AKAP19: variants seen among roughly 807,000 people sequenced by gnomAD.
The protein encoded by AKAP19 is small A-kinase anchoring protein.
chr2:189,901,963 T>G, the AKAP19 span, among the ~76,000 whole-genome samples: 1 of 152,122 alleles, frequency 6.6e-6, no homozygotes, highest in Non-Finnish European at 1.5e-5. Flanking sequence ...ATAAAACACA[T>G]ATATCAACAT....
At chr2:190,194,029 T>C in the AKAP19 span, among the ~76,000 whole-genome samples, 15 of 152,198 alleles carry the variant, frequency 9.9e-5, no homozygotes, top group Non-Finnish European at 1.6e-4. Flanking sequence ...GTGATTTTCT[T>C]CTTTGTCCCA....
the AKAP19 span, among the ~76,000 whole-genome samples, chr2:189,890,952 C>T: frequency 6.6e-6 from 1 of 152,162 alleles, no homozygotes; most frequent in Non-Finnish European, 1.5e-5. Flanking sequence ...TTGATCCTGT[C>T]ATTATCATGC....
the AKAP19 span, among the ~76,000 whole-genome samples, chr2:190,175,668 A>C: frequency 6.6e-6 from 1 of 152,236 alleles, no homozygotes; most frequent in Non-Finnish European, 1.5e-5. Context: ...TCTTCCACAT[A>C]AGGAAGATAA....
At chr2:189,926,442 A>C in the AKAP19 span, among the ~76,000 whole-genome samples, 1 of 148,990 alleles carries the variant, frequency 6.7e-6, no homozygotes, top group African/African-American at 2.5e-5. Context: ...GCCCACTACC[A>C]TGCCCCGCTA....
At chr2:189,890,095 G>A in the AKAP19 span, among the ~76,000 whole-genome samples, 2 of 152,090 alleles carry the variant, frequency 1.3e-5, no homozygotes, top group African/African-American at 2.4e-5. Context: ...CACTGCTTTA[G>A]TTGTGTCCCA....
chr2:189,881,264 AAG>A, the AKAP19 span, among the ~76,000 whole-genome samples: 15 of 152,178 alleles, frequency 9.9e-5, no homozygotes, highest in African/African-American at 3.4e-4. Context: ...GGGAAAAGTC[AAG>A]CTGGGAACTG....
the AKAP19 span, among the ~76,000 whole-genome samples, chr2:189,972,465 G>A: frequency 6.6e-6 from 1 of 152,146 alleles, no homozygotes; most frequent in East Asian, 1.9e-4. Flanking sequence ...GGCAATGCGG[G>A]CTCTTTTTTG....
At chr2:189,937,786 G>A in the AKAP19 span, among the ~76,000 whole-genome samples, 6 of 152,156 alleles carry the variant, frequency 3.9e-5, no homozygotes, top group Admixed American at 2.6e-4. Context: ...ATGAAGAAAA[G>A]GGAACCCTCA....
At chr2:190,137,112 T>G in the AKAP19 span, among the ~76,000 whole-genome samples, 1 of 152,238 alleles carries the variant, frequency 6.6e-6, no homozygotes, top group Non-Finnish European at 1.5e-5. Flanking sequence ...TCATATTATG[T>G]CATCCATATC....
the AKAP19 span, among the ~76,000 whole-genome samples, chr2:190,166,511 A>G: frequency 1.3e-5 from 2 of 151,978 alleles, no homozygotes; most frequent in Non-Finnish European, 2.9e-5. Flanking sequence ...ACTCATGAAC[A>G]TAATACAAAA....
At chr2:189,987,183 C>T in the AKAP19 span, among the ~76,000 whole-genome samples, 10 of 152,262 alleles carry the variant, frequency 6.6e-5, no homozygotes, top group East Asian at 1.7e-3. Context: ...TCTTTCCATG[C>T]TATTCTTGTG....
chr2:189,893,047 C>G, the AKAP19 span, among the ~76,000 whole-genome samples: 1 of 152,134 alleles, frequency 6.6e-6, no homozygotes, highest in East Asian at 1.9e-4. Flanking sequence ...GGGAAAATCG[C>G]CTACTCAAGC....
the AKAP19 span, among the ~76,000 whole-genome samples, chr2:190,033,800 C>T: frequency 6.6e-6 from 1 of 152,132 alleles, no homozygotes; most frequent in Non-Finnish European, 1.5e-5. Context: ...CCTATCCTTT[C>T]ATCCATACCT....
the AKAP19 span, among the ~76,000 whole-genome samples, chr2:189,924,537 G>T: frequency 6.6e-6 from 1 of 152,096 alleles, no homozygotes; most frequent in Non-Finnish European, 1.5e-5. Context: ...CTCTTGTTAT[G>T]CAGGGAGTAC....
chr2:189,887,956 TTTAA>T, the AKAP19 span, among the ~76,000 whole-genome samples: 1 of 152,176 alleles, frequency 6.6e-6, no homozygotes, highest in Non-Finnish European at 1.5e-5. Flanking sequence ...AGCTCTTTAG[TTTAA>T]TTAGATCCAA....
the AKAP19 span, among the ~76,000 whole-genome samples, chr2:190,087,058 G>A: frequency 6.6e-6 from 1 of 152,118 alleles, no homozygotes; most frequent in Non-Finnish European, 1.5e-5. Context: ...AATAATAATG[G>A]AACCACCAAT....
chr2:189,924,933 G>A, the AKAP19 span, among the ~76,000 whole-genome samples: 1 of 152,118 alleles, frequency 6.6e-6, no homozygotes, highest in Non-Finnish European at 1.5e-5. Flanking sequence ...TATGGTATGA[G>A]TTATACTGCT....
the AKAP19 span, among the ~76,000 whole-genome samples, chr2:189,948,665 G>A: frequency 1.3e-5 from 2 of 152,030 alleles, no homozygotes; most frequent in Non-Finnish European, 2.9e-5. Context: ...TTCTATTAGG[G>A]TCTTAATTTT....
chr2:189,979,441 A>C, the AKAP19 span, among the ~76,000 whole-genome samples: 1 of 152,320 alleles, frequency 6.6e-6, no homozygotes, highest in East Asian at 1.9e-4. Context: ...AGATGGATTA[A>C]AAACTTAAAT....
Sources: allele counts gnomAD v4.1 joint callset (sites outside exome capture counted in the v4.1 genomes callset), GRCh38; gene constraint gnomAD v4.1.1; transcripts MANE v1.5; gene names NCBI Gene and HGNC (gene_info 2026-07-23, HGNC 2026-07-21).